Variants in CPQ observed in about 807,000 individuals in gnomAD.
CPQ encodes the protein Ser-Met dipeptidase.
A neutral mutation model predicts 45.7 loss-of-function variants in CPQ; 37 were observed. The ratio of observed to expected loss-of-function variants is 0.81; its 90% CI spans 0.62 to 1.07. CPQ has a LOEUF of 1.07. Among genes scored for constraint, CPQ ranks in the 50% least tolerant of loss-of-function variants. CPQ has a pLI of 0.00. For missense variants in CPQ, 537 were observed against 572.9 expected (o/e 0.94, Z 0.64); for synonymous variants, 186 against 205.8 (o/e 0.90, Z 0.82).
chr8:96,670,315 T>TA (rs1563697436), intron 1 of CPQ, among the ~76,000 whole-genome samples: 11 of 150,250 alleles, frequency 7.3e-5, no homozygotes, highest in African/African-American at 2.7e-4. Flanking sequence ...ACTCAATTTT[T>TA]TTTTTTTTTT....
chr8:96,959,027 C>T (rs1331653247), intron 4 of CPQ, among the ~76,000 whole-genome samples: 1 of 151,956 alleles, frequency 6.6e-6, no homozygotes, highest in Non-Finnish European at 1.5e-5. Context: ...TTCTGTAGAC[C>T]ACCTAGTCAG....
intron 4 of CPQ, among the ~76,000 whole-genome samples, chr8:96,893,779 A>G (rs1488518587): frequency 6.6e-6 from 1 of 152,246 alleles, no homozygotes; most frequent in Non-Finnish European, 1.5e-5. Flanking sequence ...ACAACCTTAA[A>G]AAATGAAAGC....
chr8:96,864,285 G>C (rs1811968112), intron 3 of CPQ, among the ~76,000 whole-genome samples: 1 of 151,994 alleles, frequency 6.6e-6, no homozygotes, highest in Admixed American at 6.6e-5. Flanking sequence ...TCCAGATTTG[G>C]CCACATTCTC....
chr8:96,648,586 A>T (rs1047650932), intron 1 of CPQ, among the ~76,000 whole-genome samples: 2 of 152,136 alleles, frequency 1.3e-5, no homozygotes, highest in African/African-American at 4.8e-5. Context: ...TTGAGTGTAT[A>T]CTATGTGACA....
At chr8:96,693,256 AG>A (rs1159948025) in intron 1 of CPQ, among the ~76,000 whole-genome samples, 1 of 151,576 alleles carries the variant, frequency 6.6e-6, no homozygotes, top group Non-Finnish European at 1.5e-5. Flanking sequence ...AAGGGTAGGG[AG>A]GGGGGAGAGA....
intron 3 of CPQ, among the ~76,000 whole-genome samples, chr8:96,857,612 ACATTG>A (rs1253079768): frequency 4.6e-5 from 7 of 152,226 alleles, no homozygotes; most frequent in African/African-American, 1.7e-4. Flanking sequence ...ACTGCTGTAC[ACATTG>A]CAGCCAGAAA....
At chr8:96,788,398 G>A (rs1383443504) in intron 2 of CPQ, among the ~76,000 whole-genome samples, 22 of 152,036 alleles carry the variant, frequency 1.4e-4, no homozygotes, top group Non-Finnish European at 1.8e-4. Context: ...GGATTCAGGT[G>A]ATCCACCTGC....
intron 7 of CPQ, among the ~76,000 whole-genome samples, chr8:97,098,683 G>C (rs1050822680): frequency 5.3e-5 from 8 of 152,124 alleles, no homozygotes; most frequent in Non-Finnish European, 1.2e-4. Flanking sequence ...GAGTGGATTG[G>C]TTGTCTTAAT....
At chr8:96,874,455 A>G (rs1259085500) in intron 3 of CPQ, among the ~76,000 whole-genome samples, 1 of 151,776 alleles carries the variant, frequency 6.6e-6, no homozygotes, top group African/African-American at 2.4e-5. Flanking sequence ...CATACCTATT[A>G]ATATTCCACT....
At chr8:97,043,267 T>G (rs1216773791) in intron 6 of CPQ, among the ~76,000 whole-genome samples, 9 of 151,838 alleles carry the variant, frequency 5.9e-5, no homozygotes, top group Non-Finnish European at 1.2e-4. Context: ...TTTTGATCTT[T>G]GTTGGTTTAA....
chr8:96,709,578 T>TGATATAATGAC (rs2130752450), intron 1 of CPQ, among the ~76,000 whole-genome samples: 1 of 152,318 alleles, frequency 6.6e-6, no homozygotes, highest in East Asian at 1.9e-4. Context: ...AGTGTCTTTT[T>TGATATAATGAC]GATATAATGA....
intron 1 of CPQ, among the ~76,000 whole-genome samples, chr8:96,673,348 A>C (rs1586353324): frequency 6.6e-6 from 1 of 152,226 alleles, no homozygotes; most frequent in East Asian, 1.9e-4. Flanking sequence ...CATCCTACAT[A>C]AATGAGGTAG....
chr8:96,675,757 T>C (rs1809069485), intron 1 of CPQ, among the ~76,000 whole-genome samples: 1 of 152,086 alleles, frequency 6.6e-6, no homozygotes, highest in South Asian at 2.1e-4. Context: ...TTTTAGTTTG[T>C]GTTTTTATCA....
intron 7 of CPQ, among the ~76,000 whole-genome samples, chr8:97,090,329 A>C (rs1811107479): frequency 6.6e-6 from 1 of 152,224 alleles, no homozygotes; most frequent in Admixed American, 6.5e-5. Context: ...CTGTAAAAAT[A>C]ATCTAATTTC....
chr8:96,851,918 T>C (rs1388208472), intron 3 of CPQ, among the ~76,000 whole-genome samples: 1 of 152,240 alleles, frequency 6.6e-6, no homozygotes, highest in Non-Finnish European at 1.5e-5. Flanking sequence ...CTTTATTCAG[T>C]ATCTTCCTCT....
intron 5 of CPQ, among the ~76,000 whole-genome samples, chr8:96,968,884 G>A (rs1344195367): frequency 1.3e-5 from 2 of 152,180 alleles, no homozygotes; most frequent in Non-Finnish European, 2.9e-5. Flanking sequence ...TCTTTCCCGA[G>A]TAACTGTCTA....
At chr8:96,685,393 T>A (rs1388607939) in intron 1 of CPQ, among the ~76,000 whole-genome samples, 4 of 152,134 alleles carry the variant, frequency 2.6e-5, no homozygotes, top group Non-Finnish European at 5.9e-5. Flanking sequence ...TGTCTCAGAT[T>A]TATTTTGGTG....
chr8:96,698,452 C>T (rs1809414844), intron 1 of CPQ, among the ~76,000 whole-genome samples: 1 of 151,946 alleles, frequency 6.6e-6, no homozygotes, highest in African/African-American at 2.4e-5. Flanking sequence ...AATATTTCTT[C>T]AGTAATACCC....
At chr8:97,018,324 C>G (rs145278183) in intron 5 of CPQ, among the ~76,000 whole-genome samples, 1 of 152,100 alleles carries the variant, frequency 6.6e-6, no homozygotes, top group Admixed American at 6.6e-5. Flanking sequence ...AACAAAACAG[C>G]GTTCTTTAAC....
Sources: allele counts gnomAD v4.1 joint callset (sites outside exome capture counted in the v4.1 genomes callset), GRCh38; gene constraint gnomAD v4.1.1; transcripts MANE v1.5; gene names NCBI Gene and HGNC (gene_info 2026-07-23, HGNC 2026-07-21).